GREB1: variants seen among roughly 807,000 people sequenced by gnomAD.
GREB1 encodes the protein protein GREB1.
Under a neutral mutation model 200.7 loss-of-function variants are expected in GREB1, and 106 were observed. That is an observed-to-expected ratio of 0.53 (90% CI 0.45 to 0.62). The LOEUF is 0.62. GREB1 is among the 20% of genes least tolerant of loss of function. GREB1 has a pLI of 0.00. For missense variants in GREB1, 2,243 were observed against 2,556.8 expected (o/e 0.88, Z 2.65); for synonymous variants, 1,132 against 1,092.4 (o/e 1.04, Z -0.72).
chr2:11,614,124 G>GTTTTTTTTTTTTTT (rs1558636075), intron 19 of GREB1, among the ~76,000 whole-genome samples: 1 of 133,400 alleles, frequency 7.5e-6, no homozygotes. Flanking sequence ...AGCGGACTTA[G>GTTTTTTTTTTTTTT]ATTTTTTTTT....
chr2:11,598,831 C>A lies in GREB1; in HGVS notation c.2304C>A (p.Ile768=), dbSNP rs1312623077. ...ACCCGCATACACTTTTTGTCCTAAT[C>A]CATGACCATGCGCACTGGGATCTTG... ...FQNPHTLFVL[I]HDHAHWDLVS... The change falls in exon 15 of 33, where the codon ATC becomes ATA. Residue 768 remains isoleucine (I), a synonymous_variant. Transcript: ENST00000381486. The A allele has an allele frequency of 6.2e-7, 1 of 1,614,008 alleles. No individual in the cohort carries two copies. Among genetic ancestry groups the A allele is most frequent in the African/African-American group, 1.3e-5 (1 of 74,928 alleles).
At chr2:11,596,041 A>T (rs1243703814) in intron 12 of GREB1, 70 bp from the exon 13 acceptor site, 1 of 1,480,272 alleles carries the variant, frequency 6.8e-7, no homozygotes, top group Non-Finnish European at 9.3e-7. Flanking sequence ...ACCTGACACT[A>T]ACTGCGCTGT....
chr2:11,501,593 T>C (rs557356272), intron 1 of GREB1, among the ~76,000 whole-genome samples: 4 of 151,972 alleles, frequency 2.6e-5, no homozygotes, highest in African/African-American at 9.7e-5. Flanking sequence ...GGCGTTTCAC[T>C]TTGTTGGCCA....
At chr2:11,561,713 G>GC (rs924771488) in intron 2 of GREB1, 11 of 152,170 alleles carry the variant, frequency 7.2e-5, no homozygotes, top group Admixed American at 7.2e-4. Context: ...TGTTAACCAG[G>GC]CCCGACCCTG....
chr2:11,539,902 G>C (rs2148516868), intron 1 of GREB1: 1 of 152,104 alleles, frequency 6.6e-6, no homozygotes, highest in African/African-American at 2.4e-5. Context: ...GCCGGGCAGG[G>C]GCCAGGAAGC....
At chr2:11,600,166 A>G (rs1486386857) in intron 15 of GREB1, among the ~76,000 whole-genome samples, 3 of 152,168 alleles carry the variant, frequency 2.0e-5, no homozygotes, top group Admixed American at 1.3e-4. Flanking sequence ...GAAATTATAG[A>G]AAGAGCTGTA....
chr2:11,562,980 CTT>C (rs893489993), intron 3 of GREB1: 17 of 147,940 alleles, frequency 1.1e-4, no homozygotes, highest in Non-Finnish European at 1.9e-4. Flanking sequence ...TTCTTTCTTT[CTT>C]TTTTTTTTTT....
At chr2:11,583,511 T>G (rs74802445) in intron 7 of GREB1, among the ~76,000 whole-genome samples, 1 of 151,472 alleles carries the variant, frequency 6.6e-6, no homozygotes, top group Admixed American at 6.6e-5. Flanking sequence ...ATTTTTTTTT[T>G]GTTTACTCTT....
intron 4 of GREB1, among the ~76,000 whole-genome samples, chr2:11,569,382 C>T (rs1018556949): frequency 1.3e-5 from 2 of 152,224 alleles, no homozygotes; most frequent in Admixed American, 6.5e-5. Context: ...CCACAACAAA[C>T]GACTCTGTCA....
intron 1 of GREB1, among the ~76,000 whole-genome samples, chr2:11,542,378 T>C (rs1674842246): frequency 6.6e-6 from 1 of 152,136 alleles, no homozygotes; most frequent in African/African-American, 2.4e-5. Flanking sequence ...GCCTGGGTGG[T>C]GGTCGAGTAG....
At chr2:11,606,438 A>G (rs1682299739) in intron 17 of GREB1, among the ~76,000 whole-genome samples, 1 of 152,196 alleles carries the variant, frequency 6.6e-6, no homozygotes, top group South Asian at 2.1e-4. Context: ...GATGTTGAAC[A>G]TCTTTTCCTA....
At chr2:11,489,514 GGAGACAAAAGATCATT>G (rs1199962138) in intron 1 of GREB1, among the ~76,000 whole-genome samples, 7 of 152,104 alleles carry the variant, frequency 4.6e-5, no homozygotes, top group African/African-American at 9.7e-5. Flanking sequence ...CCCAAATGTA[GGAGACAAAAGATCATT>G]GAGACAAAAG....
intron 1 of GREB1, among the ~76,000 whole-genome samples, chr2:11,508,447 G>A (rs1673244483): frequency 6.6e-6 from 1 of 152,182 alleles, no homozygotes; most frequent in Non-Finnish European, 1.5e-5. Flanking sequence ...AACGGGCTTT[G>A]CACACGCTTT....
At chr2:11,622,486 GTTTTATAA>G (rs1411993299) in intron 23 of GREB1, among the ~76,000 whole-genome samples, 1 of 152,186 alleles carries the variant, frequency 6.6e-6, no homozygotes, top group Non-Finnish European at 1.5e-5. Flanking sequence ...TAATCAACAT[GTTTTATAA>G]TTTGAATTGG....
intron 1 of GREB1, among the ~76,000 whole-genome samples, chr2:11,508,015 A>C (rs1034817433): frequency 2.6e-5 from 4 of 152,252 alleles, no homozygotes; most frequent in Admixed American, 2.0e-4. Context: ...GCCAAAAAAC[A>C]TAAAGCCATG....
chr2:11,519,098 GA>G (rs568322870), intron 1 of GREB1, among the ~76,000 whole-genome samples: 1,280 of 64,642 alleles, frequency 0.02, 5 homozygotes, highest in Middle Eastern at 0.037. Flanking sequence ...CTCCGTCTCA[GA>G]AAAAAAAAAA....
chr2:11,542,818 G>C (rs535946114), intron 1 of GREB1: 3 of 152,750 alleles, frequency 2.0e-5, no homozygotes, highest in Admixed American at 2.0e-4. Flanking sequence ...AAACAACAAA[G>C]TGAGTTCAGG....
chr2:11,524,442 G>A (rs899645392), intron 1 of GREB1, among the ~76,000 whole-genome samples: 12 of 152,172 alleles, frequency 7.9e-5, no homozygotes, highest in Non-Finnish European at 1.5e-4. Context: ...AAATGAAGTG[G>A]CATGTGAAAT....
intron 1 of GREB1, among the ~76,000 whole-genome samples, chr2:11,510,938 G>T (rs1482301460): frequency 1.3e-5 from 2 of 152,174 alleles, no homozygotes; most frequent in African/African-American, 4.8e-5. Flanking sequence ...CTCCCAGAGT[G>T]CTGGGATTAC....
Sources: allele counts gnomAD v4.1 joint callset (sites outside exome capture counted in the v4.1 genomes callset), GRCh38; gene constraint gnomAD v4.1.1; transcripts MANE v1.5; gene names NCBI Gene and HGNC (gene_info 2026-07-23, HGNC 2026-07-21).